Variants in MLXIP observed in about 807,000 individuals in gnomAD.
The protein encoded by MLXIP is MLX interacting protein, also known as MLX-interacting protein.
In MLXIP, 30 loss-of-function variants were observed where a neutral mutation model predicts 87.2. The ratio of observed to expected loss-of-function variants is 0.34; its 90% CI spans 0.26 to 0.47. The LOEUF is 0.47. Ranked by LOEUF, MLXIP falls within the 20% of genes least tolerant of loss-of-function variation. MLXIP has a pLI of 1.00. For missense variants in MLXIP, 1,002 were observed against 1,240.1 expected (o/e 0.81, Z 2.88); for synonymous variants, 530 against 514.0 (o/e 1.03, Z -0.42).
Position 122,135,183 on chromosome 12 carries a change from T to A in MLXIP, c.1733-41T>A. ...CCTCTGCAGGGTGGGCCAGGCCCTG[T>A]GGCCCAGGGCTGCACCTGAACATCC... On this transcript the variant is annotated intron_variant, in intron 9 of 16. Coordinates refer to ENST00000319080, the MANE Select transcript of MLXIP (RefSeq NM_014938.6). The surrounding 1 kb of genome is among the most constrained non-coding windows in gnomAD (Gnocchi z 5.3). The A allele has an allele frequency of 6.2e-7, 1 of 1,606,314 alleles. No homozygotes were observed. The highest frequency in any genetic ancestry group is 8.5e-7 in the Non-Finnish European group (1 of 1,176,862).
intron 6 of MLXIP, among the ~76,000 whole-genome samples, chr12:122,130,633 A>C (rs1952961463): frequency 6.6e-6 from 1 of 151,526 alleles, no homozygotes; most frequent in Non-Finnish European, 1.5e-5. Flanking sequence ...ATTCCCTGAT[A>C]CTCAATTTTA....
intron 1 of MLXIP, among the ~76,000 whole-genome samples, chr12:122,112,376 C>T (rs764222058): frequency 1.2e-4 from 18 of 152,136 alleles, no homozygotes; most frequent in Admixed American, 3.9e-4. Context: ...TGGTGGCTCA[C>T]GCCTGTAATC....
chr12:122,099,352 C>G (rs1163792251), intron 1 of MLXIP, among the ~76,000 whole-genome samples: 1 of 152,014 alleles, frequency 6.6e-6, no homozygotes, highest in Non-Finnish European at 1.5e-5. Context: ...TGGACCCCAG[C>G]TGTTGGCAGC....
chr12:122,127,109 C>T, intron 1 of MLXIP, 147 bp from the exon 2 acceptor site: 1 of 707,068 alleles, frequency 1.4e-6, no homozygotes, highest in East Asian at 2.7e-5. Flanking sequence ...AAGAAATCCC[C>T]CAGTGACCTG....
chr12:122,140,369 T>C (rs1355142070), intron 15 of MLXIP, among the ~76,000 whole-genome samples: 1 of 152,106 alleles, frequency 6.6e-6, no homozygotes, highest in Non-Finnish European at 1.5e-5. Context: ...CAATCTCGGC[T>C]CACTGCAGCC....
intron 1 of MLXIP, among the ~76,000 whole-genome samples, chr12:122,113,378 C>T (rs1295013648): frequency 1.3e-5 from 2 of 152,256 alleles, no homozygotes; most frequent in East Asian, 3.9e-4. Context: ...GGTGCTCCTC[C>T]CACCTCAGCC....
intron 16 of MLXIP, 83 bp downstream of exon 16, chr12:122,141,166 G>T: frequency 6.7e-7 from 1 of 1,487,486 alleles, no homozygotes; most frequent in Non-Finnish European, 8.9e-7. Context: ...GTATTAGCCA[G>T]ACTCCACTGC....
In MLXIP at chr12:122,135,675, TC is replaced by T; in HGVS notation, c.2032+10del. On this transcript the variant is annotated intron_variant, in intron 11 of 16. Transcript: ENST00000319080. The surrounding 1 kb of genome is among the most constrained non-coding windows in gnomAD (Gnocchi z 5.3). ...CACTGTCACAGGGCCCAGTGAGTGT[TC>T]ACTCGGCGGGATGGTTGGGGCATCG... 6.8e-7 allele frequency: 1 copy of T among 1,480,744 alleles called. No individual in the cohort carries two copies. The highest frequency in any genetic ancestry group is 9.0e-7 in the Non-Finnish European group (1 of 1,115,664). 91.7% of individuals were successfully genotyped at this position (1,480,744 alleles called of 1,614,324 possible).
At chr12:122,091,419 C>T (rs1033677405) in intron 1 of MLXIP, among the ~76,000 whole-genome samples, 3 of 152,098 alleles carry the variant, frequency 2.0e-5, no homozygotes, top group Admixed American at 6.5e-5. Flanking sequence ...CCTTTACGGC[C>T]GGGTGCAGTG....
intron 16 of MLXIP, 79 bp downstream of exon 16, chr12:122,141,162 G>A: frequency 4.0e-6 from 6 of 1,499,194 alleles, no homozygotes; most frequent in Non-Finnish European, 5.3e-6. Context: ...GACAGTATTA[G>A]CCAGACTCCA....
At chr12:122,102,215 G>T (rs921278305) in intron 1 of MLXIP, among the ~76,000 whole-genome samples, 18 of 151,932 alleles carry the variant, frequency 1.2e-4, no homozygotes, top group Non-Finnish European at 2.4e-4. Flanking sequence ...TGTATATTTA[G>T]AATATATAAA....
At chr12:122,113,272 T>C (rs1346287156) in intron 1 of MLXIP, among the ~76,000 whole-genome samples, 1 of 152,216 alleles carries the variant, frequency 6.6e-6, no homozygotes. Context: ...TTTTTCTTTT[T>C]GTTTTGAGAC....
intron 15 of MLXIP, 164 bp from the exon 16 acceptor site, chr12:122,140,790 C>T (rs1303614481): frequency 9.3e-7 from 1 of 1,073,064 alleles, no homozygotes; most frequent in Middle Eastern, 2.0e-4. Flanking sequence ...AAGTGGAAGA[C>T]ACACCTTGCC....
chr12:122,082,973 A>G (rs1952113088), intron 1 of MLXIP, among the ~76,000 whole-genome samples: 1 of 152,154 alleles, frequency 6.6e-6, no homozygotes, highest in African/African-American at 2.4e-5. Flanking sequence ...GGCACGCACT[A>G]CTATGCCTGG....
In MLXIP at chr12:122,135,635, G is replaced by T. The variant is rs562639719; in HGVS notation, c.2001G>T (p.Gly667=). ...AGGGCGAGCAGGTCCCGCTGCATGG[G>T]GGCAGCCCCCAGGTCACTGTCACAG... The part of the protein sequence containing the change: ...LGKGEQVPLH[G]GSPQVTVTGP... The change falls in exon 11 of 17, where the codon GGG becomes GGT. Residue 667 remains glycine, a synonymous_variant. Coordinates refer to ENST00000319080, the MANE Select transcript of MLXIP (RefSeq NM_014938.6). This position sits in a 1 kb window ranked among gnomAD's most constrained non-coding sequence, Gnocchi z 5.3. The T allele has an allele frequency of 9.7e-6, 15 of 1,544,268 alleles. No homozygotes were observed. The East Asian group carries it at 3.5e-4, about 36-fold the overall frequency.
intron 1 of MLXIP, among the ~76,000 whole-genome samples, chr12:122,091,796 G>C (rs1481405817): frequency 6.6e-6 from 1 of 152,168 alleles, no homozygotes; most frequent in Non-Finnish European, 1.5e-5. Flanking sequence ...TGGTGAACTA[G>C]AGTGTTTGCT....
At chr12:122,122,581 G>A (rs954712438) in intron 1 of MLXIP, among the ~76,000 whole-genome samples, 5 of 151,078 alleles carry the variant, frequency 3.3e-5, no homozygotes, top group Non-Finnish European at 5.9e-5. Flanking sequence ...TTGCTCTGTC[G>A]TCCGGGCTGG....
intron 1 of MLXIP, among the ~76,000 whole-genome samples, chr12:122,101,566 A>AT (rs369219373): frequency 2.2e-5 from 3 of 136,614 alleles, no homozygotes; most frequent in Non-Finnish European, 3.1e-5. Flanking sequence ...TTATTTATTT[A>AT]TTTTTTTCTT....
chr12:122,108,575 C>G (rs763324495), intron 1 of MLXIP, among the ~76,000 whole-genome samples: 1 of 151,954 alleles, frequency 6.6e-6, no homozygotes, highest in Non-Finnish European at 1.5e-5. Context: ...TCTCCCTGCT[C>G]GACTCCTCCC....
Sources: allele counts gnomAD v4.1 joint callset (sites outside exome capture counted in the v4.1 genomes callset), GRCh38; gene constraint gnomAD v4.1.1; non-coding constraint Gnocchi (gnomAD v3.1); transcripts MANE v1.5; gene names NCBI Gene and HGNC (gene_info 2026-07-23, HGNC 2026-07-21).